Variants in NRCAM observed in about 807,000 individuals in gnomAD.
NRCAM encodes NgCAM-related cell adhesion molecule.
Under a neutral mutation model 156.5 loss-of-function variants are expected in NRCAM, and 83 were observed. The ratio of observed to expected loss-of-function variants is 0.53; its 90% CI spans 0.44 to 0.64. The LOEUF (loss-of-function observed/expected upper bound fraction) is 0.64. NRCAM is among the 30% of genes least tolerant of loss of function. The pLI, the probability that NRCAM is intolerant of heterozygous loss-of-function variation, is 0.00. For synonymous variants in NRCAM, 538 were observed against 563.9 expected (o/e 0.95, Z 0.65); for missense variants, 1,417 against 1,597.3 (o/e 0.89, Z 1.92).
chr7:108,351,557 AT>A (rs1423248946), intron 2 of NRCAM, among the ~76,000 whole-genome samples: 2 of 152,192 alleles, frequency 1.3e-5, no homozygotes, highest in Admixed American at 1.3e-4. Context: ...TGAGTATAAG[AT>A]TTGGGATAGG....
At chr7:108,336,509 TAA>T (rs1315970732) in intron 2 of NRCAM, among the ~76,000 whole-genome samples, 1 of 152,226 alleles carries the variant, frequency 6.6e-6, no homozygotes, top group Non-Finnish European at 1.5e-5. Flanking sequence ...ACGAATATGT[TAA>T]AAGTTAAAAG....
chr7:108,368,728 A>G (rs962809541), intron 2 of NRCAM, among the ~76,000 whole-genome samples: 1 of 152,232 alleles, frequency 6.6e-6, no homozygotes, highest in Non-Finnish European at 1.5e-5. Context: ...CAAACCAGAA[A>G]AAAAAACAAG....
intron 2 of NRCAM, among the ~76,000 whole-genome samples, chr7:108,318,039 C>CCTTTTTT (rs1554503979): frequency 1.4e-5 from 1 of 72,816 alleles, no homozygotes; most frequent in African/African-American, 5.8e-5. Context: ...TTCACTTTTC[C>CCTTTTTT]TTTTTTTTTT....
chr7:108,394,627 AG>A (rs2099771954), intron 2 of NRCAM, among the ~76,000 whole-genome samples: 1 of 152,250 alleles, frequency 6.6e-6, no homozygotes, highest in Non-Finnish European at 1.5e-5. Flanking sequence ...GAGGGGAAAC[AG>A]AAAAGGAGAG....
chr7:108,190,152 G>A (rs1180357623), intron 19 of NRCAM, among the ~76,000 whole-genome samples: 2 of 152,202 alleles, frequency 1.3e-5, no homozygotes, highest in African/African-American at 4.8e-5. Context: ...AAAAGGTGCT[G>A]TTTAAAGAAA....
At chr7:108,213,171 A>G (rs764917235) in intron 11 of NRCAM, among the ~76,000 whole-genome samples, 6 of 152,234 alleles carry the variant, frequency 3.9e-5, no homozygotes, top group Non-Finnish European at 8.8e-5. Context: ...GGAAAGATAC[A>G]GTCTTTTTCA....
chr7:108,423,268 A>G (rs1812651079), intron 1 of NRCAM, among the ~76,000 whole-genome samples: 1 of 152,130 alleles, frequency 6.6e-6, no homozygotes, highest in East Asian at 1.9e-4. Context: ...AGTAAATGAA[A>G]GCATAAGAAA....
chr7:108,217,798 T>C (rs2090103912), intron 11 of NRCAM, among the ~76,000 whole-genome samples: 1 of 152,134 alleles, frequency 6.6e-6, no homozygotes, highest in African/African-American at 2.4e-5. Context: ...CAGGTCGACT[T>C]CAGACTGCAG....
At chr7:108,155,073 G>T (rs2044189485) in intron 32 of NRCAM, among the ~76,000 whole-genome samples, 1 of 133,990 alleles carries the variant, frequency 7.5e-6, no homozygotes. Flanking sequence ...AGTCATAGAA[G>T]ATGATTTAAA....
intron 1 of NRCAM, among the ~76,000 whole-genome samples, chr7:108,419,330 T>A (rs915273685): frequency 5.9e-5 from 9 of 152,162 alleles, no homozygotes; most frequent in African/African-American, 2.2e-4. Flanking sequence ...CTCCTATACA[T>A]CCTCCTCCTC....
intron 1 of NRCAM, among the ~76,000 whole-genome samples, chr7:108,440,925 G>A (rs1837810156): frequency 6.6e-6 from 1 of 152,174 alleles, no homozygotes; most frequent in Non-Finnish European, 1.5e-5. Flanking sequence ...AGAGCTTGCT[G>A]TATAAAAAAC....
At chr7:108,435,402 G>A (rs1016064164) in intron 1 of NRCAM, among the ~76,000 whole-genome samples, 3 of 152,168 alleles carry the variant, frequency 2.0e-5, no homozygotes, top group African/African-American at 7.2e-5. Context: ...CAGAGTCTCA[G>A]AAACCCATGG....
intron 2 of NRCAM, among the ~76,000 whole-genome samples, chr7:108,398,203 G>T (rs2099782339): frequency 6.6e-6 from 1 of 151,954 alleles, no homozygotes; most frequent in Non-Finnish European, 1.5e-5. Context: ...GAATAAATCT[G>T]CTTCTCTCCT....
intron 32 of NRCAM, among the ~76,000 whole-genome samples, chr7:108,153,671 T>C (rs1414868570): frequency 1.3e-5 from 2 of 152,092 alleles, no homozygotes; most frequent in Non-Finnish European, 2.9e-5. Flanking sequence ...ACTGATATGA[T>C]TGTGCATATA....
rs1403196570 is a variant in NRCAM, at chr7:108,159,771, C to T, written c.3599-230G>A. On this transcript the variant is annotated intron_variant, in intron 31 of 32. Coordinates refer to ENST00000379028, the MANE Select transcript of NRCAM (RefSeq NM_001037132.4). ...ACACATAAAGTTGACTAGTTTCTCA[C>T]CTGATAAATAATTTTTAAGTTTCTA... Among the ~76,000 whole-genome samples the T allele has an allele frequency of 2.0e-5, 3 of 152,050 alleles. No individual in the cohort carries two copies. In the East Asian group the frequency reaches 5.8e-4, roughly 29 times the overall value.
At chr7:108,240,665 A>T (rs1226414355) in intron 3 of NRCAM, among the ~76,000 whole-genome samples, 2 of 152,146 alleles carry the variant, frequency 1.3e-5, no homozygotes, top group Non-Finnish European at 2.9e-5. Flanking sequence ...TCCCACCTAG[A>T]TTATAGCAAC....
intron 2 of NRCAM, among the ~76,000 whole-genome samples, chr7:108,357,980 T>C (rs7801583): frequency 0.61 from 92,676 of 151,942 alleles, 28,880 homozygotes; most frequent in East Asian, 0.92. Flanking sequence ...TCCCTACGGA[T>C]TGGCTTGTCC....
intron 1 of NRCAM, among the ~76,000 whole-genome samples, chr7:108,440,270 T>C (rs1391939118): frequency 6.6e-6 from 1 of 152,138 alleles, no homozygotes; most frequent in East Asian, 1.9e-4. Context: ...GTTCCATTAA[T>C]ATGAAATGTC....
At chr7:108,362,446 A>G (rs189951950) in intron 2 of NRCAM, among the ~76,000 whole-genome samples, 7 of 152,340 alleles carry the variant, frequency 4.6e-5, no homozygotes, top group Non-Finnish European at 1.0e-4. Flanking sequence ...CTGTATATCC[A>G]TAATAGGATA....
Sources: allele counts gnomAD v4.1 joint callset (sites outside exome capture counted in the v4.1 genomes callset), GRCh38; gene constraint gnomAD v4.1.1; transcripts MANE v1.5; gene names NCBI Gene and HGNC (gene_info 2026-07-23, HGNC 2026-07-21).